DPP10: variants seen among roughly 807,000 people sequenced by gnomAD.
DPP10 encodes inactive dipeptidyl peptidase 10.
In DPP10, 33 loss-of-function variants were observed where a neutral mutation model predicts 120.9. That is an observed-to-expected ratio of 0.27 (90% confidence interval 0.21 to 0.37). The LOEUF (loss-of-function observed/expected upper bound fraction) is 0.37, where lower values mean the gene tolerates loss of function less well. Among genes scored for constraint, DPP10 ranks in the 10% least tolerant of loss-of-function variants. The probability of loss-of-function intolerance (pLI) is 1.00; values close to 1 mark genes in which losing one functional copy is unlikely to be tolerated. For missense variants in DPP10, 816 were observed against 942.8 expected (o/e 0.87, Z 1.76); for synonymous variants, 337 against 326.1 (o/e 1.03, Z -0.36).
At chr2:115,077,256 T>C (rs1328244531) in intron 1 of DPP10, among the ~76,000 whole-genome samples, 1 of 152,174 alleles carries the variant, frequency 6.6e-6, no homozygotes, top group Non-Finnish European at 1.5e-5. Flanking sequence ...GTCTTATTCA[T>C]TCATTATATG....
At chr2:115,665,885 ATTTCTT>A (rs1460078184) in intron 5 of DPP10, among the ~76,000 whole-genome samples, 1 of 149,252 alleles carries the variant, frequency 6.7e-6, no homozygotes, top group Non-Finnish European at 1.5e-5. Flanking sequence ...CTTTTTTTTA[ATTTCTT>A]TTTTATAAAT....
intron 1 of DPP10, among the ~76,000 whole-genome samples, chr2:114,987,143 T>C (rs575478895): frequency 3.3e-5 from 5 of 152,290 alleles, no homozygotes; most frequent in Admixed American, 6.5e-5. Context: ...GAAAATCTCA[T>C]TGAACTATAC....
intron 3 of DPP10, among the ~76,000 whole-genome samples, chr2:115,402,854 A>AAAAAAAAT (rs1476901026): frequency 1.0e-5 from 1 of 97,668 alleles, no homozygotes; most frequent in African/African-American, 3.9e-5. Flanking sequence ...AAAAAAAAAA[A>AAAAAAAAT]ATATATATAT....
At chr2:115,396,212 T>C (rs2067666273) in intron 3 of DPP10, among the ~76,000 whole-genome samples, 1 of 152,202 alleles carries the variant, frequency 6.6e-6, no homozygotes, top group Non-Finnish European at 1.5e-5. Flanking sequence ...GGTGTCCTTA[T>C]ACCTCAGTGT....
intron 3 of DPP10, among the ~76,000 whole-genome samples, chr2:115,347,638 C>T (rs1266588709): frequency 1.3e-5 from 2 of 152,056 alleles, no homozygotes; most frequent in Non-Finnish European, 2.9e-5. Context: ...CCCTAGTCCC[C>T]TACCCCCTGA....
intron 1 of DPP10, among the ~76,000 whole-genome samples, chr2:114,538,821 T>C (rs923358323): frequency 1.1e-4 from 17 of 152,320 alleles, no homozygotes; most frequent in Admixed American, 2.0e-4. Context: ...TTGCAGTAGG[T>C]GCACCCGAGA....
intron 1 of DPP10, among the ~76,000 whole-genome samples, chr2:114,791,316 C>A (rs749324577): frequency 9.9e-5 from 15 of 152,134 alleles, no homozygotes; most frequent in Non-Finnish European, 2.2e-4. Context: ...ATCTGCTTTG[C>A]CCACTGAACT....
intron 1 of DPP10, among the ~76,000 whole-genome samples, chr2:114,971,751 C>T (rs1699411412): frequency 6.6e-6 from 1 of 152,138 alleles, no homozygotes; most frequent in Non-Finnish European, 1.5e-5. Context: ...TTCTAAGGCA[C>T]AACTTCAGAT....
chr2:115,296,306 A>G (rs541999080), intron 1 of DPP10, among the ~76,000 whole-genome samples: 1 of 152,216 alleles, frequency 6.6e-6, no homozygotes, highest in South Asian at 2.1e-4. Context: ...CAAATTAGTA[A>G]TGCTGGCTTT....
Position 115,130,002 on chromosome 2 carries a change from T to G in DPP10, c.61-179237T>G, listed in dbSNP as rs74948922. The stretch of plus-strand genomic sequence containing the variant: ...GGGCATTGTCTTCAATATTTCTCTT[T>G]CTTTTTCCTTTCAGCAAGTGCACCT... On this transcript the variant is annotated intron_variant, in intron 1 of 25. Coordinates refer to ENST00000410059, the MANE Select transcript of DPP10 (RefSeq NM_020868.6). 3.7e-3 allele frequency among the ~76,000 whole-genome samples: 567 copies of G among 152,224 alleles called. 17 individuals are homozygous for G. The East Asian group carries it at 0.081, about 22-fold the overall frequency.
chr2:114,492,918 G>T (rs972493320), intron 1 of DPP10, among the ~76,000 whole-genome samples: 4 of 152,148 alleles, frequency 2.6e-5, no homozygotes, highest in African/African-American at 7.2e-5. Context: ...GGGGACACAG[G>T]TATGAGCAGC....
chr2:115,548,113 G>A (rs2079624921), intron 5 of DPP10, among the ~76,000 whole-genome samples: 2 of 152,240 alleles, frequency 1.3e-5, no homozygotes, highest in East Asian at 3.9e-4. Flanking sequence ...AATTTAGAAA[G>A]CCGTATAGAA....
At chr2:115,069,350 T>C (rs192483322) in intron 1 of DPP10, among the ~76,000 whole-genome samples, 11 of 152,240 alleles carry the variant, frequency 7.2e-5, no homozygotes, top group African/African-American at 2.2e-4. Flanking sequence ...ATTGTTAGTG[T>C]ATAGAAATGC....
At chr2:114,550,486 C>A (rs571670522) in intron 1 of DPP10, among the ~76,000 whole-genome samples, 26 of 152,198 alleles carry the variant, frequency 1.7e-4, no homozygotes, top group African/African-American at 6.0e-4. Context: ...GCTGGGACTT[C>A]GACCAGACAT....
chr2:114,945,947 A>T (rs996474943), intron 1 of DPP10, among the ~76,000 whole-genome samples: 7 of 152,226 alleles, frequency 4.6e-5, no homozygotes, highest in African/African-American at 1.7e-4. Flanking sequence ...CTCTAAGCCA[A>T]GTCCAAACAT....
chr2:114,641,805 G>A (rs1695726742), intron 1 of DPP10, among the ~76,000 whole-genome samples: 2 of 151,870 alleles, frequency 1.3e-5, no homozygotes, highest in Admixed American at 1.3e-4. Flanking sequence ...ATTATATTTT[G>A]TCTTTTTTTA....
At position 115,483,847 on chromosome 2, in the gene DPP10, A is replaced by T. The variant is rs116218087; in HGVS notation, c.272-15663A>T. On this transcript the variant is annotated intron_variant, in intron 3 of 25. Transcript: ENST00000410059. ...GATTTGTGATTCTCCCAGGGCGTAT[A>T]TCTATATCTTCTCAGCAGTGTCAGA... 2.9e-3 allele frequency among the ~76,000 whole-genome samples: 442 copies of T among 152,148 alleles called. 5 individuals are homozygous for T. Among genetic ancestry groups the T allele is most frequent in the Non-Finnish European group, 3.7e-3 (249 of 68,002 alleles).
chr2:115,771,678 C>T (rs184131109), intron 13 of DPP10, among the ~76,000 whole-genome samples: 2 of 152,174 alleles, frequency 1.3e-5, no homozygotes, highest in African/African-American at 2.4e-5. Context: ...TGCTGTGCTA[C>T]ATGATTCTAC....
intron 4 of DPP10, among the ~76,000 whole-genome samples, chr2:115,504,787 C>G (rs2076859404): frequency 6.6e-6 from 1 of 152,000 alleles, no homozygotes; most frequent in African/African-American, 2.4e-5. Context: ...AAAGTGAATT[C>G]CAGCATAGCT....
Sources: allele counts gnomAD v4.1 joint callset (sites outside exome capture counted in the v4.1 genomes callset), GRCh38; gene constraint gnomAD v4.1.1; transcripts MANE v1.5; gene names NCBI Gene and HGNC (gene_info 2026-07-23, HGNC 2026-07-21).